PARD3: variants seen among roughly 807,000 people sequenced by gnomAD.
The protein encoded by PARD3 is partitioning defective 3 homolog.
In PARD3, 75 loss-of-function variants were observed where a neutral mutation model predicts 155.4. The observed-to-expected ratio is 0.48, with a 90% CI of 0.40 to 0.58. The LOEUF is 0.58. Ranked by LOEUF, PARD3 falls within the 20% of genes least tolerant of loss-of-function variation. The pLI, the probability that PARD3 is intolerant of heterozygous loss-of-function variation, is 0.00. For synonymous variants in PARD3, 576 were observed against 610.5 expected, an observed-to-expected ratio of 0.94 and a Z score of 0.83; for missense variants, 1,642 against 1,721.7, an observed-to-expected ratio of 0.95 and a Z score of 0.82.
chr10:34,394,865 C>T lies in PARD3; in HGVS notation c.890+4465G>A, dbSNP rs193211403. ...GGTTCATTTGCTCCTGTGCTGATTA[C>T]GCTTCACTAAGCAGTACCTATGGTC... On this transcript the variant is annotated intron_variant, in intron 7 of 24. Coordinates refer to ENST00000374788, the MANE Select transcript of PARD3 (RefSeq NM_001184785.2). 1.3e-4 allele frequency among the ~76,000 whole-genome samples: 19 copies of T among 151,702 alleles called. No homozygotes were observed. In the South Asian group the frequency reaches 2.9e-3, roughly 23 times the overall value.
chr10:34,351,604 C>T (rs954827786), intron 14 of PARD3, among the ~76,000 whole-genome samples: 2 of 152,230 alleles, frequency 1.3e-5, no homozygotes, highest in Non-Finnish European at 2.9e-5. Context: ...TATTTTCCTT[C>T]ACATCCCCAT....
At chr10:34,150,416 G>A (rs911481488) in intron 22 of PARD3, among the ~76,000 whole-genome samples, 13 of 152,196 alleles carry the variant, frequency 8.5e-5, no homozygotes, top group African/African-American at 3.1e-4. Context: ...AAGAGGGCTG[G>A]AGATATATGA....
chr10:34,626,903 G>A (rs371611422), intron 2 of PARD3, among the ~76,000 whole-genome samples: 3 of 152,124 alleles, frequency 2.0e-5, no homozygotes, highest in African/African-American at 7.2e-5. Flanking sequence ...CCAGGCGATC[G>A]TGTTCCAGAC....
intron 2 of PARD3, among the ~76,000 whole-genome samples, chr10:34,601,089 G>A (rs2089733873): frequency 1.4e-5 from 2 of 147,828 alleles, no homozygotes; most frequent in South Asian, 2.1e-4. Context: ...CGCATTACAG[G>A]CGTGAGCCAT....
intron 2 of PARD3, among the ~76,000 whole-genome samples, chr10:34,668,557 T>C (rs2093546622): frequency 2.0e-5 from 3 of 152,184 alleles, no homozygotes; most frequent in Non-Finnish European, 2.9e-5. Flanking sequence ...CCTGGCTCTA[T>C]AGCATTATTC....
At chr10:34,606,155 AAT>A (rs1564407697) in intron 2 of PARD3, among the ~76,000 whole-genome samples, 1 of 106,674 alleles carries the variant, frequency 9.4e-6, no homozygotes, top group African/African-American at 3.4e-5. Flanking sequence ...TATAAAGGGA[AAT>A]GTGTGTGTGT....
chr10:34,560,976 C>CCACT (rs1229794928), intron 2 of PARD3, among the ~76,000 whole-genome samples: 1 of 152,150 alleles, frequency 6.6e-6, no homozygotes, highest in Non-Finnish European at 1.5e-5. Flanking sequence ...CTCCCTCAAA[C>CCACT]CACTATTTGG....
intron 5 of PARD3, 71 bp downstream of exon 5, chr10:34,450,246 G>A: frequency 1.4e-6 from 2 of 1,391,414 alleles, no homozygotes; most frequent in Non-Finnish European, 2.0e-6. Flanking sequence ...GATTGAGATG[G>A]GAGAAACATC....
intron 2 of PARD3, among the ~76,000 whole-genome samples, chr10:34,681,760 ATATATATATTTTTTTTTTTTT>A (rs2093840261): frequency 9.3e-5 from 2 of 21,550 alleles, no homozygotes; most frequent in African/African-American, 5.1e-4. Context: ...ATATATATAT[ATATATATATTTTTTTTTTTTT>A]TTTTTTTTTT....
intron 3 of PARD3, among the ~76,000 whole-genome samples, chr10:34,474,942 T>G (rs1476641555): frequency 6.6e-6 from 1 of 152,162 alleles, no homozygotes; most frequent in Non-Finnish European, 1.5e-5. Flanking sequence ...GACATCCAAA[T>G]TTCAGAAATG....
At chr10:34,652,954 A>T (rs1033823687) in intron 2 of PARD3, among the ~76,000 whole-genome samples, 4 of 152,206 alleles carry the variant, frequency 2.6e-5, no homozygotes, top group Non-Finnish European at 4.4e-5. Flanking sequence ...AGGACATTTA[A>T]ACGGAAGTGC....
intron 1 of PARD3, among the ~76,000 whole-genome samples, chr10:34,777,442 AT>A (rs113012253): frequency 0.071 from 10,786 of 152,114 alleles, 1,292 homozygotes; most frequent in African/African-American, 0.25. Context: ...CTTTGCAAAC[AT>A]TTTATACAAC....
At chr10:34,194,115 G>T (rs11009674) in intron 22 of PARD3, among the ~76,000 whole-genome samples, 115 of 152,252 alleles carry the variant, frequency 7.6e-4, no homozygotes, top group African/African-American at 2.6e-3. Flanking sequence ...CTTCCAGAAG[G>T]CTCTCCCTCT....
chr10:34,555,233 A>G (rs965932273), intron 2 of PARD3, among the ~76,000 whole-genome samples: 1 of 152,184 alleles, frequency 6.6e-6, no homozygotes, highest in African/African-American at 2.4e-5. Flanking sequence ...ATATAAGGAC[A>G]TTTCTGTACC....
intron 23 of PARD3, among the ~76,000 whole-genome samples, chr10:34,124,287 G>A (rs1006415560): frequency 6.6e-6 from 1 of 152,138 alleles, no homozygotes; most frequent in Admixed American, 6.5e-5. Context: ...ATGACAAAAA[G>A]ACTAATGGCA....
chr10:34,581,110 C>T (rs1319068056), intron 2 of PARD3, among the ~76,000 whole-genome samples: 1 of 151,900 alleles, frequency 6.6e-6, no homozygotes, highest in East Asian at 1.9e-4. Flanking sequence ...ATTTAGATTC[C>T]TTTAAAAGCT....
At chr10:34,147,432 C>CT (rs34049904) in intron 22 of PARD3, among the ~76,000 whole-genome samples, 29,541 of 151,652 alleles carry the variant, frequency 0.19, 3,586 homozygotes, top group Middle Eastern at 0.39. Flanking sequence ...TCTAGTTTGA[C>CT]TTTTTTTCTC....
At chr10:34,698,934 C>G (rs1403752580) in intron 1 of PARD3, among the ~76,000 whole-genome samples, 1 of 152,122 alleles carries the variant, frequency 6.6e-6, no homozygotes, top group Non-Finnish European at 1.5e-5. Flanking sequence ...TCCCATAACC[C>G]CATTCCAATC....
intron 3 of PARD3, among the ~76,000 whole-genome samples, chr10:34,511,014 A>T (rs2081366769): frequency 6.6e-6 from 1 of 152,186 alleles, no homozygotes; most frequent in Non-Finnish European, 1.5e-5. Context: ...AGATCCAGAC[A>T]TTATGATTGG....
Sources: allele counts gnomAD v4.1 joint callset (sites outside exome capture counted in the v4.1 genomes callset), GRCh38; gene constraint gnomAD v4.1.1; transcripts MANE v1.5; gene names NCBI Gene and HGNC (gene_info 2026-07-23, HGNC 2026-07-21).